EPHA6: variants seen among roughly 807,000 people sequenced by gnomAD.
EPHA6 encodes ephrin type-A receptor 6.
EPHA6 carries 50 observed loss-of-function variants against 112.0 expected under a neutral mutation model. That is an observed-to-expected ratio of 0.45 (90% CI 0.36 to 0.56). The LOEUF is 0.56. Among genes scored for constraint, EPHA6 ranks in the 20% least tolerant of loss-of-function variants. The pLI, the probability that EPHA6 is intolerant of heterozygous loss-of-function variation, is 0.00. For missense variants in EPHA6, 1,280 were observed against 1,417.4 expected (o/e 0.90, Z 1.56); for synonymous variants, 529 against 490.7 (o/e 1.08, Z -1.03).
At chr3:97,370,263 A>C (rs2084969898) in intron 5 of EPHA6, among the ~76,000 whole-genome samples, 1 of 152,220 alleles carries the variant, frequency 6.6e-6, no homozygotes, top group Non-Finnish European at 1.5e-5. Flanking sequence ...AAGAAGAAAT[A>C]ATAATTGCTT....
chr3:97,613,286 C>T (rs2093735990), intron 13 of EPHA6, among the ~76,000 whole-genome samples: 1 of 152,022 alleles, frequency 6.6e-6, no homozygotes, highest in South Asian at 2.1e-4. Flanking sequence ...ATTTTTCAAA[C>T]TACAGCTTTA....
chr3:97,509,475 G>A lies in EPHA6; in HGVS notation c.2201-22883G>A, dbSNP rs185155790. On this transcript the variant is annotated intron_variant, in intron 10 of 17. Transcript: ENST00000389672. ...AGTTTGGCTGGATATGAAATTCTTC[G>A]TTGAAAATTCATTTATTTAAGAATG... 1.0e-3 allele frequency among the ~76,000 whole-genome samples: 158 copies of A among 152,130 alleles called. 3 individuals are homozygous for A. The highest frequency in any genetic ancestry group is 9.4e-4 in the Non-Finnish European group (64 of 67,998).
At chr3:97,439,525 GAA>G in intron 6 of EPHA6, 1 of 570,700 alleles carries the variant, frequency 1.8e-6, no homozygotes, top group Non-Finnish European at 2.2e-6. Flanking sequence ...ATGAATGCGA[GAA>G]AAGACAACAA....
intron 5 of EPHA6, among the ~76,000 whole-genome samples, chr3:97,304,272 A>G: frequency 6.6e-6 from 1 of 151,978 alleles, no homozygotes; most frequent in Non-Finnish European, 1.5e-5. Context: ...CAGAACTTCC[A>G]ATACTATATT....
intron 5 of EPHA6, among the ~76,000 whole-genome samples, chr3:97,304,888 T>C (rs2081250583): frequency 6.6e-6 from 1 of 151,916 alleles, no homozygotes; most frequent in Non-Finnish European, 1.5e-5. Flanking sequence ...AATTGACAAA[T>C]GGGGTCCAAT....
At chr3:96,886,683 A>G (rs2037643798) in intron 2 of EPHA6, among the ~76,000 whole-genome samples, 1 of 152,182 alleles carries the variant, frequency 6.6e-6, no homozygotes, top group Non-Finnish European at 1.5e-5. Flanking sequence ...ATTCCATGTT[A>G]GTATTGAGAT....
intron 3 of EPHA6, among the ~76,000 whole-genome samples, chr3:96,992,862 C>T (rs2043267461): frequency 6.6e-6 from 1 of 152,146 alleles, no homozygotes; most frequent in East Asian, 1.9e-4. Context: ...AGACCTAACA[C>T]CAATGTCATG....
chr3:97,290,550 A>C (rs1383381260), intron 5 of EPHA6, among the ~76,000 whole-genome samples: 1 of 152,052 alleles, frequency 6.6e-6, no homozygotes, highest in Non-Finnish European at 1.5e-5. Flanking sequence ...ATGTGGGGAG[A>C]CTTTTTATAA....
chr3:97,566,027 A>G (rs2093261804), intron 11 of EPHA6, among the ~76,000 whole-genome samples: 1 of 151,908 alleles, frequency 6.6e-6, no homozygotes. Flanking sequence ...TCAAAAAAAA[A>G]AAAAAAAAGG....
At chr3:96,830,390 C>A (rs2033986622) in intron 1 of EPHA6, among the ~76,000 whole-genome samples, 1 of 152,092 alleles carries the variant, frequency 6.6e-6, no homozygotes, top group African/African-American at 2.4e-5. Flanking sequence ...AAATACTTTT[C>A]AACTGTGTAT....
At chr3:97,016,564 A>G (rs559308151) in intron 3 of EPHA6, among the ~76,000 whole-genome samples, 1 of 152,376 alleles carries the variant, frequency 6.6e-6, no homozygotes, top group South Asian at 2.1e-4. Flanking sequence ...AGCTCTATTA[A>G]GTAATAATGA....
At chr3:97,637,001 C>T (rs1303140532) in intron 13 of EPHA6, among the ~76,000 whole-genome samples, 1 of 151,850 alleles carries the variant, frequency 6.6e-6, no homozygotes, top group Non-Finnish European at 1.5e-5. Context: ...ATTTTTATTT[C>T]CTCTAATTTC....
At chr3:97,161,880 A>C (rs2076423786) in intron 3 of EPHA6, among the ~76,000 whole-genome samples, 1 of 152,198 alleles carries the variant, frequency 6.6e-6, no homozygotes, top group African/African-American at 2.4e-5. Flanking sequence ...AATCCTTGTG[A>C]ACTAAATTAT....
intron 3 of EPHA6, among the ~76,000 whole-genome samples, chr3:97,045,263 A>G (rs1178094780): frequency 6.6e-6 from 1 of 152,016 alleles, no homozygotes; most frequent in African/African-American, 2.4e-5. Context: ...AATATCTGAT[A>G]CTGGTATTTT....
At chr3:97,442,768 G>T (rs1475360257) in intron 6 of EPHA6, among the ~76,000 whole-genome samples, 1 of 152,134 alleles carries the variant, frequency 6.6e-6, no homozygotes, top group African/African-American at 2.4e-5. Context: ...AGAATATGAT[G>T]ACTATGTGTA....
chr3:97,566,297 C>T (rs1240388917), intron 11 of EPHA6, among the ~76,000 whole-genome samples: 1 of 152,146 alleles, frequency 6.6e-6, no homozygotes, highest in Non-Finnish European at 1.5e-5. Flanking sequence ...CCCCCATTAC[C>T]CAGTCTTCTC....
At chr3:97,711,768 A>G (rs754745296) in intron 14 of EPHA6, among the ~76,000 whole-genome samples, 3 of 152,178 alleles carry the variant, frequency 2.0e-5, no homozygotes, top group Non-Finnish European at 4.4e-5. Context: ...TTCAAATGCT[A>G]ATGTTTTCCT....
At chr3:97,644,603 G>T (rs2107587432) in intron 14 of EPHA6, among the ~76,000 whole-genome samples, 1 of 152,036 alleles carries the variant, frequency 6.6e-6, no homozygotes, top group South Asian at 2.1e-4. Flanking sequence ...TGATAAAGGG[G>T]ATATCACCAA....
At chr3:97,544,360 T>A (rs1245608254) in intron 11 of EPHA6, among the ~76,000 whole-genome samples, 1 of 152,194 alleles carries the variant, frequency 6.6e-6, no homozygotes, top group East Asian at 1.9e-4. Flanking sequence ...CATGTGGTTT[T>A]TGTCTTTGGT....
Sources: allele counts gnomAD v4.1 joint callset (sites outside exome capture counted in the v4.1 genomes callset), GRCh38; gene constraint gnomAD v4.1.1; transcripts MANE v1.5; gene names NCBI Gene and HGNC (gene_info 2026-07-23, HGNC 2026-07-21).